VSNL1: variants seen among roughly 807,000 people sequenced by gnomAD.
The protein encoded by VSNL1 is visinin-like protein 1.
In VSNL1, 6 loss-of-function variants were observed where a neutral mutation model predicts 20.4. That is an observed-to-expected ratio of 0.29 (90% CI 0.16 to 0.58). VSNL1 has a LOEUF of 0.58. VSNL1 is among the 20% of genes least tolerant of loss of function. The pLI is 0.90. For synonymous variants in VSNL1, 93 were observed against 86.4 expected, an observed-to-expected ratio of 1.08 and a Z score of -0.42; for missense variants, 100 against 234.5, an observed-to-expected ratio of 0.43 and a Z score of 3.75.
rs556696126 is a variant in VSNL1 at position 17,568,803 on chromosome 2, A to T, written c.-5-23267A>T. ...TTTTTATCCAGTTGAAAATGTCTTT[A>T]TCTCACTCTCATTTTGAATAAACTT... is the stretch of plus-strand genomic sequence containing the variant. On this transcript the variant is annotated intron_variant, in intron 1 of 3. Transcript: ENST00000295156. 4.0e-5 allele frequency among the ~76,000 whole-genome samples: 6 copies of T among 151,604 alleles called. No homozygotes were observed. The East Asian group carries it at 1.2e-3, about 29-fold the overall frequency.
intron 2 of VSNL1, among the ~76,000 whole-genome samples, chr2:17,604,869 A>G (rs1664907850): frequency 6.6e-6 from 1 of 152,100 alleles, no homozygotes; most frequent in Non-Finnish European, 1.5e-5. Context: ...TGGCACAAAG[A>G]TGTGTGGTGA....
intron 1 of VSNL1, among the ~76,000 whole-genome samples, chr2:17,542,388 T>G (rs1663305409): frequency 6.6e-6 from 1 of 152,164 alleles, no homozygotes; most frequent in Non-Finnish European, 1.5e-5. Flanking sequence ...CGTGCTGGAT[T>G]TCCACGAAAT....
chr2:17,598,850 A>G (rs1664767783), intron 2 of VSNL1, among the ~76,000 whole-genome samples: 1 of 152,262 alleles, frequency 6.6e-6, no homozygotes, highest in African/African-American at 2.4e-5. Context: ...TTATACTTTC[A>G]AACAAACTTC....
Position 17,649,270 on chromosome 2 carries a change from A to G in VSNL1, c.163-140A>G. 1 of 768,096 alleles carries G rather than the reference A, an allele frequency of 1.3e-6. No homozygotes were observed. Among genetic ancestry groups the G allele is most frequent in the Non-Finnish European group, 2.2e-6 (1 of 458,120 alleles). The allele number at this position is 768,096 out of a possible 1,614,324, so 47.6% of individuals were successfully genotyped here. On this transcript the variant is annotated intron_variant, in intron 2 of 3. Transcript: ENST00000295156. This position sits in a 1 kb window ranked among gnomAD's most constrained non-coding sequence, Gnocchi z 6.4. ...CCCCTAATGCCTGCCCTTGCCCTTG[A>G]CAGTCAGGCCAAACTGCTCTCCAAT...
At chr2:17,641,531 G>T (rs1384179642) in intron 2 of VSNL1, among the ~76,000 whole-genome samples, 1 of 152,198 alleles carries the variant, frequency 6.6e-6, no homozygotes, top group Non-Finnish European at 1.5e-5. Flanking sequence ...AGGAAGAGAA[G>T]TACTAGAATA....
In VSNL1 at chr2:17,572,522, G is replaced by A. The variant is rs556684294; in HGVS notation, c.-5-19548G>A. On this transcript the variant is annotated intron_variant, in intron 1 of 3. Coordinates refer to ENST00000295156, the MANE Select transcript of VSNL1 (RefSeq NM_003385.5). ...AAGTAATTAACACTAAAAAAGAAGA[G>A]GAGGAAGAAAAAGAAGAAGGAGGCA... 1.3e-3 allele frequency among the ~76,000 whole-genome samples: 199 copies of A among 152,208 alleles called. 2 individuals carry two copies. The highest frequency in any genetic ancestry group is 2.3e-3 in the Non-Finnish European group (159 of 67,994).
At chr2:17,550,466 A>G (rs1289742532) in intron 1 of VSNL1, among the ~76,000 whole-genome samples, 1 of 152,226 alleles carries the variant, frequency 6.6e-6, no homozygotes, top group Non-Finnish European at 1.5e-5. Context: ...AGTGGTGTGA[A>G]CATGTCTTGG....
At chr2:17,627,266 G>A (rs1183759811) in intron 2 of VSNL1, among the ~76,000 whole-genome samples, 1 of 152,164 alleles carries the variant, frequency 6.6e-6, no homozygotes, top group African/African-American at 2.4e-5. Context: ...TTTCAATGAA[G>A]CACCTATCTT....
At chr2:17,594,695 G>C (rs2103378882) in intron 2 of VSNL1, among the ~76,000 whole-genome samples, 1 of 152,272 alleles carries the variant, frequency 6.6e-6, no homozygotes, top group South Asian at 2.1e-4. Flanking sequence ...AGTCAACCTG[G>C]CACATCCCCT....
chr2:17,613,124 C>T (rs1196576726), intron 2 of VSNL1, among the ~76,000 whole-genome samples: 2 of 152,268 alleles, frequency 1.3e-5, no homozygotes, highest in Admixed American at 6.5e-5. Flanking sequence ...GGAGCTCAGA[C>T]TTCATACTGC....
chr2:17,603,061 T>C lies in VSNL1; in HGVS notation c.162+10825T>C, dbSNP rs573660072. Among the ~76,000 whole-genome samples the C allele has an allele frequency of 3.9e-5, 6 of 152,316 alleles. No individual in the cohort carries two copies. The South Asian group carries it at 1.2e-3, about 32-fold the overall frequency. On this transcript the variant is annotated intron_variant, in intron 2 of 3. Coordinates refer to ENST00000295156, the MANE Select transcript of VSNL1 (RefSeq NM_003385.5). ...TTTTCTAGCCTAAGAAGTTTCTGTA[T>C]AAATAACTTCACTGAAGATTTCAAG...
At chr2:17,637,921 C>A (rs776507990) in intron 2 of VSNL1, among the ~76,000 whole-genome samples, 3 of 152,184 alleles carry the variant, frequency 2.0e-5, no homozygotes, top group African/African-American at 7.2e-5. Context: ...TCACATAACT[C>A]CCCCACGGCC....
chr2:17,631,505 G>T (rs1257992682), intron 2 of VSNL1, among the ~76,000 whole-genome samples: 1 of 152,156 alleles, frequency 6.6e-6, no homozygotes, highest in Non-Finnish European at 1.5e-5. Flanking sequence ...GTTAACTATT[G>T]GATGGTGGTT....
At chr2:17,606,814 A>G (rs1255344301) in intron 2 of VSNL1, among the ~76,000 whole-genome samples, 1 of 152,208 alleles carries the variant, frequency 6.6e-6, no homozygotes, top group Non-Finnish European at 1.5e-5. Context: ...TCTACTTTGC[A>G]TGAAAGACAT....
intron 2 of VSNL1, among the ~76,000 whole-genome samples, chr2:17,598,662 A>G (rs1340999107): frequency 6.6e-6 from 1 of 152,232 alleles, no homozygotes; most frequent in African/African-American, 2.4e-5. Context: ...AATTTTATAT[A>G]TAAACTCTCT....
chr2:17,641,601 A>G (rs1166847801), intron 2 of VSNL1, among the ~76,000 whole-genome samples: 1 of 152,254 alleles, frequency 6.6e-6, no homozygotes, highest in Non-Finnish European at 1.5e-5. Flanking sequence ...GGTGTATTAG[A>G]CAGAAATAAA....
intron 1 of VSNL1, among the ~76,000 whole-genome samples, chr2:17,551,997 G>C (rs1663549694): frequency 6.6e-6 from 1 of 150,634 alleles, no homozygotes; most frequent in Non-Finnish European, 1.5e-5. Context: ...AGGAGATCGA[G>C]ACCATCCTGG....
At chr2:17,540,312 C>T (rs1374673146), upstream of VSNL1, 1 of 152,456 alleles carries the variant, frequency 6.6e-6, no homozygotes, top group Non-Finnish European at 1.5e-5. Flanking sequence ...AAAGCGGCTC[C>T]ACGTGTTCCA....
chr2:17,573,118 G>T (rs1664120017), intron 1 of VSNL1, among the ~76,000 whole-genome samples: 1 of 152,148 alleles, frequency 6.6e-6, no homozygotes, highest in South Asian at 2.1e-4. Flanking sequence ...TGACTCATTT[G>T]TTCATTCATT....
Sources: gnomAD v4.1 joint callset for allele counts (sites outside exome capture counted in the v4.1 genomes callset) on GRCh38, gnomAD v4.1.1 for gene constraint, Gnocchi (gnomAD v3.1) non-coding constraint, MANE v1.5 for transcripts, NCBI Gene and HGNC (gene_info 2026-07-23, HGNC 2026-07-21) for gene names.